Variants in SPOCK1 observed in about 807,000 individuals in gnomAD.
SPOCK1 encodes the protein SPARC (osteonectin), cwcv and kazal like domains proteoglycan 1, also known as testican-1.
Under a neutral mutation model 55.3 loss-of-function variants are expected in SPOCK1, and 23 were observed. That is an observed-to-expected ratio of 0.42 (90% CI 0.30 to 0.59). SPOCK1 has a LOEUF of 0.59. Among genes scored for constraint, SPOCK1 ranks in the 20% least tolerant of loss-of-function variants. SPOCK1 has a pLI of 0.22. For synonymous variants in SPOCK1, 226 were observed against 221.0 expected (o/e 1.02, Z -0.20); for missense variants, 499 against 552.5 (o/e 0.90, Z 0.97).
intron 2 of SPOCK1, among the ~76,000 whole-genome samples, chr5:137,312,990 A>G (rs888907006): frequency 3.9e-5 from 6 of 152,178 alleles, no homozygotes; most frequent in African/African-American, 1.4e-4. Flanking sequence ...GCAGGTAAAC[A>G]TGAATCCCAA....
chr5:137,384,037 G>C (rs1418912277), intron 2 of SPOCK1, among the ~76,000 whole-genome samples: 1 of 152,214 alleles, frequency 6.6e-6, no homozygotes, highest in Non-Finnish European at 1.5e-5. Flanking sequence ...GCCCAGTCCA[G>C]CTCCAAGCCA....
chr5:137,027,194 C>T (rs372687124), intron 6 of SPOCK1, among the ~76,000 whole-genome samples: 1 of 152,194 alleles, frequency 6.6e-6, no homozygotes, highest in Non-Finnish European at 1.5e-5. Flanking sequence ...GCTTCACAGG[C>T]CTGAGACTTT....
chr5:137,069,578 G>A (rs925267995), intron 5 of SPOCK1, among the ~76,000 whole-genome samples: 7 of 152,334 alleles, frequency 4.6e-5, no homozygotes, highest in Middle Eastern at 6.8e-3. Context: ...CAGAGAGCAC[G>A]TGGACTGAAG....
chr5:137,016,560 A>G (rs1751451034), intron 6 of SPOCK1, among the ~76,000 whole-genome samples: 1 of 152,228 alleles, frequency 6.6e-6, no homozygotes, highest in Non-Finnish European at 1.5e-5. Context: ...CCCAGATTAT[A>G]AGAACTTGGA....
intron 2 of SPOCK1, among the ~76,000 whole-genome samples, chr5:137,389,207 A>G (rs1340418727): frequency 6.6e-6 from 1 of 152,222 alleles, no homozygotes; most frequent in Non-Finnish European, 1.5e-5. Context: ...CTGGTGTTGC[A>G]CAAGACTACC....
rs149086244 is a variant in SPOCK1 at position 136,979,356 on chromosome 5, T to G, written c.1105A>C (p.Arg369=). 112 of 1,614,040 alleles carry G rather than the reference T, an allele frequency of 6.9e-5. No homozygotes were observed. The highest frequency in any genetic ancestry group is 8.6e-5 in the Non-Finnish European group (101 of 1,180,016). Residue 369 remains arginine, a synonymous_variant, in exon 10 of 11, where the codon AGG becomes CGG. Coordinates refer to ENST00000394945, the MANE Select transcript of SPOCK1 (RefSeq NM_004598.4). ...CCACAGCTCACAGCACCCTGTTTCC[T>G]GGAGCCAGCCAACTCATTCCCATAT... ...DKYGNELAGS[R]KQGAVSCEEE... is the part of the protein sequence containing the mutation.
intron 5 of SPOCK1, among the ~76,000 whole-genome samples, chr5:137,073,377 T>C (rs779294836): frequency 1.3e-5 from 2 of 151,292 alleles, no homozygotes; most frequent in Non-Finnish European, 2.9e-5. Flanking sequence ...ATAAAGTGAG[T>C]CATGCAGCTC....
At chr5:137,355,666 C>G (rs1750775934) in intron 2 of SPOCK1, among the ~76,000 whole-genome samples, 2 of 152,276 alleles carry the variant, frequency 1.3e-5, no homozygotes, top group East Asian at 3.9e-4. Context: ...ATTCCCACCA[C>G]ACCTTTTTCA....
chr5:137,274,171 T>C (rs1757019689), intron 2 of SPOCK1, among the ~76,000 whole-genome samples: 2 of 152,232 alleles, frequency 1.3e-5, no homozygotes. Flanking sequence ...ATTTGTACTC[T>C]GGCCAAGACA....
intron 4 of SPOCK1, among the ~76,000 whole-genome samples, chr5:137,132,909 G>A (rs1049934163): frequency 1.3e-5 from 2 of 152,160 alleles, no homozygotes; most frequent in Non-Finnish European, 2.9e-5. Context: ...ACCAGGCCAG[G>A]CAGGAGGTAG....
chr5:137,458,364 T>G (rs1172783074), intron 2 of SPOCK1, among the ~76,000 whole-genome samples: 2 of 152,218 alleles, frequency 1.3e-5, no homozygotes, highest in African/African-American at 4.8e-5. Context: ...GACACTATTT[T>G]CTAAATTTTC....
At chr5:137,254,975 T>A (rs1756606532) in intron 3 of SPOCK1, among the ~76,000 whole-genome samples, 1 of 152,200 alleles carries the variant, frequency 6.6e-6, no homozygotes, top group African/African-American at 2.4e-5. Flanking sequence ...AACAAAACAA[T>A]CAGAGTATTC....
intron 2 of SPOCK1, among the ~76,000 whole-genome samples, chr5:137,418,931 T>C (rs1459870420): frequency 6.6e-6 from 1 of 152,232 alleles, no homozygotes; most frequent in Non-Finnish European, 1.5e-5. Context: ...TTTATGGTTT[T>C]AGGTCTGACA....
intron 4 of SPOCK1, among the ~76,000 whole-genome samples, chr5:137,113,400 C>T (rs1045871943): frequency 1.4e-4 from 21 of 152,178 alleles, no homozygotes; most frequent in Middle Eastern, 3.2e-3. Context: ...TGGTTGAAGG[C>T]TACCCGTCTC....
chr5:137,329,292 C>T (rs1312796329), intron 2 of SPOCK1, among the ~76,000 whole-genome samples: 1 of 152,004 alleles, frequency 6.6e-6, no homozygotes, highest in East Asian at 1.9e-4. Flanking sequence ...TTTACACCAT[C>T]GGTTCTCCTG....
intron 6 of SPOCK1, among the ~76,000 whole-genome samples, chr5:137,008,191 C>T (rs1048489327): frequency 6.6e-5 from 10 of 151,582 alleles, no homozygotes; most frequent in South Asian, 2.1e-4. Flanking sequence ...CTAATGTAGA[C>T]GACAGGTTGA....
chr5:137,147,773 A>G (rs916162316), intron 3 of SPOCK1, among the ~76,000 whole-genome samples: 4 of 152,334 alleles, frequency 2.6e-5, no homozygotes, highest in Admixed American at 1.3e-4. Context: ...AATCCAGAAC[A>G]CCAACTGTAG....
chr5:137,137,970 A>G (rs1754021188), intron 4 of SPOCK1, among the ~76,000 whole-genome samples: 1 of 152,154 alleles, frequency 6.6e-6, no homozygotes, highest in African/African-American at 2.4e-5. Flanking sequence ...ACTCAAACAC[A>G]CACACACACA....
At chr5:137,063,765 G>T (rs1346828466) in intron 6 of SPOCK1, among the ~76,000 whole-genome samples, 1 of 152,256 alleles carries the variant, frequency 6.6e-6, no homozygotes, top group African/African-American at 2.4e-5. Flanking sequence ...AAGAGGACCT[G>T]TGTTTGGCTA....
Sources: gnomAD v4.1 joint callset for allele counts (sites outside exome capture counted in the v4.1 genomes callset) on GRCh38, gnomAD v4.1.1 for gene constraint, MANE v1.5 for transcripts, NCBI Gene and HGNC (gene_info 2026-07-23, HGNC 2026-07-21) for gene names.